Variants in C1orf21 observed in about 807,000 individuals in gnomAD.
The protein encoded by C1orf21 is uncharacterized protein C1orf21.
In C1orf21, 3 loss-of-function variants were observed where a neutral mutation model predicts 18.7. The ratio of observed to expected loss-of-function variants is 0.16; its 90% CI spans 0.07 to 0.42. The LOEUF (loss-of-function observed/expected upper bound fraction) is 0.42, where lower values mean the gene tolerates loss of function less well. Ranked by LOEUF, C1orf21 falls within the 10% of genes least tolerant of loss-of-function variation. C1orf21 has a pLI of 0.99. For synonymous variants in C1orf21, 41 were observed against 46.4 expected (o/e 0.88, Z 0.47); for missense variants, 104 against 143.6 (o/e 0.72, Z 1.41).
At chr1:184,503,060 A>G (rs1658001183) in intron 2 of C1orf21, among the ~76,000 whole-genome samples, 1 of 131,814 alleles carries the variant, frequency 7.6e-6, no homozygotes, top group East Asian at 2.2e-4. Context: ...CCTGGGTGAC[A>G]GGGTAAGAAA....
At chr1:184,547,493 G>T in intron 3 of C1orf21, among the ~76,000 whole-genome samples, 1 of 132,274 alleles carries the variant, frequency 7.6e-6, no homozygotes, top group Non-Finnish European at 1.5e-5. Context: ...TGGATTTGCT[G>T]CTGGGAACAT....
At chr1:184,498,365 A>G (rs1657923994) in intron 2 of C1orf21, among the ~76,000 whole-genome samples, 1 of 152,236 alleles carries the variant, frequency 6.6e-6, no homozygotes, top group Non-Finnish European at 1.5e-5. Flanking sequence ...TAAGACATGC[A>G]TCCATGCGTG....
At chr1:184,531,379 G>A (rs1026972599) in intron 3 of C1orf21, among the ~76,000 whole-genome samples, 1 of 151,970 alleles carries the variant, frequency 6.6e-6, no homozygotes, top group African/African-American at 2.4e-5. Flanking sequence ...ATCTATTTCT[G>A]ATTCACTAGC....
At chr1:184,615,534 G>T (rs1314225198) in intron 5 of C1orf21, among the ~76,000 whole-genome samples, 1 of 152,196 alleles carries the variant, frequency 6.6e-6, no homozygotes, top group East Asian at 1.9e-4. Context: ...GTTCCTTTAA[G>T]GGGGAAGGGC....
intron 1 of C1orf21, among the ~76,000 whole-genome samples, chr1:184,460,227 G>T (rs13374072): frequency 0.032 from 4,857 of 152,268 alleles, 232 homozygotes; most frequent in African/African-American, 0.11. Context: ...ACAGCAAGAG[G>T]TAGGAGGAAA....
intron 1 of C1orf21, among the ~76,000 whole-genome samples, chr1:184,413,369 C>T (rs1469363198): frequency 6.6e-6 from 1 of 152,142 alleles, no homozygotes; most frequent in Non-Finnish European, 1.5e-5. Flanking sequence ...GCAGTCAGTT[C>T]TAGAATTTAT....
intron 3 of C1orf21, among the ~76,000 whole-genome samples, chr1:184,552,203 AAGGAT>A (rs1658822918): frequency 6.6e-6 from 1 of 152,210 alleles, no homozygotes; most frequent in African/African-American, 2.4e-5. Flanking sequence ...GTCAGACAAG[AAGGAT>A]ATCCCTAACA....
intron 5 of C1orf21, among the ~76,000 whole-genome samples, chr1:184,615,017 T>C (rs1220090671): frequency 6.6e-6 from 1 of 152,174 alleles, no homozygotes; most frequent in Non-Finnish European, 1.5e-5. Context: ...GAAAAGTACG[T>C]TAGGCACATT....
chr1:184,578,300 G>A (rs1659224818), intron 3 of C1orf21, among the ~76,000 whole-genome samples: 1 of 152,246 alleles, frequency 6.6e-6, no homozygotes, highest in Admixed American at 6.5e-5. Context: ...CAGGCAACAG[G>A]CATAGTTAAT....
At chr1:184,553,761 CAGA>C (rs1307973813) in intron 3 of C1orf21, among the ~76,000 whole-genome samples, 1 of 152,148 alleles carries the variant, frequency 6.6e-6, no homozygotes, top group East Asian at 1.9e-4. Flanking sequence ...TCCCCTCTAC[CAGA>C]AGGTCTACCC....
intron 1 of C1orf21, among the ~76,000 whole-genome samples, chr1:184,422,592 C>G (rs886978252): frequency 4.6e-5 from 7 of 152,166 alleles, no homozygotes; most frequent in African/African-American, 1.7e-4. Context: ...CTTAACCACT[C>G]CACTAGAACC....
At chr1:184,437,940 G>A (rs374363290) in intron 1 of C1orf21, among the ~76,000 whole-genome samples, 1 of 152,034 alleles carries the variant, frequency 6.6e-6, no homozygotes, top group South Asian at 2.1e-4. Flanking sequence ...TCACAATAGG[G>A]TTTGCACTTC....
intron 3 of C1orf21, among the ~76,000 whole-genome samples, chr1:184,562,728 T>A (rs557413810): frequency 6.6e-6 from 1 of 152,370 alleles, no homozygotes; most frequent in East Asian, 1.9e-4. Context: ...CTGGACTTGA[T>A]CATCTTTATT....
intron 3 of C1orf21, among the ~76,000 whole-genome samples, chr1:184,520,717 G>A (rs1658294689): frequency 2.6e-5 from 3 of 116,416 alleles, no homozygotes; most frequent in African/African-American, 4.0e-5. Context: ...TTAAATAATT[G>A]TACTTTATTT....
At chr1:184,590,919 A>G in intron 4 of C1orf21, 104 bp downstream of exon 4, 3 of 1,156,260 alleles carry the variant, frequency 2.6e-6, no homozygotes, top group Non-Finnish European at 3.7e-6. Context: ...TCAAAAAATA[A>G]TAATTCTACA....
chr1:184,457,197 G>A (rs1409120958), intron 1 of C1orf21, among the ~76,000 whole-genome samples: 10 of 152,200 alleles, frequency 6.6e-5, no homozygotes, highest in Admixed American at 4.6e-4. Context: ...GAAGGAACTT[G>A]TTGAGGACAT....
chr1:184,513,250 A>T (rs541213901), intron 3 of C1orf21, among the ~76,000 whole-genome samples: 36 of 152,222 alleles, frequency 2.4e-4, no homozygotes, highest in Admixed American at 6.5e-4. Flanking sequence ...AGCTATGAAG[A>T]AAAAGCTTTC....
Position 184,390,944 on chromosome 1 carries a change from A to G in C1orf21, c.-125+3576A>G, listed in dbSNP as rs540025086. Among the ~76,000 whole-genome samples, 41 of 152,360 alleles carry G rather than the reference A, an allele frequency of 2.7e-4. 1 individual carries two copies. The South Asian group carries it at 8.1e-3, about 30-fold the overall frequency. ...AAAACAGGGATAGGGCTTGTGTACA[A>G]GAAAGATTGCGACAGTGAAACTATA... On this transcript the variant is annotated intron_variant, in intron 1 of 5. Coordinates refer to ENST00000235307, the MANE Select transcript of C1orf21 (RefSeq NM_030806.4).
At chr1:184,513,214 A>G (rs1232968448) in intron 3 of C1orf21, among the ~76,000 whole-genome samples, 1 of 152,244 alleles carries the variant, frequency 6.6e-6, no homozygotes, top group African/African-American at 2.4e-5. Context: ...TATGTTTACA[A>G]CCTAAGCAAA....
Sources: gnomAD v4.1 joint callset for allele counts (sites outside exome capture counted in the v4.1 genomes callset) on GRCh38, gnomAD v4.1.1 for gene constraint, MANE v1.5 for transcripts, NCBI Gene and HGNC (gene_info 2026-07-23, HGNC 2026-07-21) for gene names.